The following TAFA1 variants were observed in gnomAD, a reference collection of about 807,000 sequenced individuals.
TAFA1 encodes the protein chemokine-like protein TAFA-1.
Under a neutral mutation model 18.5 loss-of-function variants are expected in TAFA1, and 4 were observed. That is an observed-to-expected ratio of 0.22 (90% confidence interval 0.11 to 0.49). The LOEUF is 0.49. Ranked by LOEUF, TAFA1 falls within the 20% of genes least tolerant of loss-of-function variation. The probability of loss-of-function intolerance (pLI) is 0.98; values close to 1 mark genes in which losing one functional copy is unlikely to be tolerated. For synonymous variants in TAFA1, 56 were observed against 55.2 expected (o/e 1.01, Z -0.06); for missense variants, 147 against 169.0 (o/e 0.87, Z 0.72).
rs376342579 is a variant in TAFA1, at chr3:68,451,296, A to G, written c.259+33876A>G. On this transcript the variant is annotated intron_variant, in intron 3 of 4. Coordinates refer to ENST00000478136, the MANE Select transcript of TAFA1 (RefSeq NM_213609.4). ...GTGTCTCATAATTTGTAAGTCCTCAATAAACGTCTGTTAAATGAATGCATC... is the reference window on the plus strand; with the variant it reads ...GTGTCTCATAATTTGTAAGTCCTCAGTAAACGTCTGTTAAATGAATGCATC... Among the ~76,000 whole-genome samples the G allele has an allele frequency of 3.6e-4, 55 of 152,350 alleles. 1 individual carries two copies. The South Asian group carries it at 4.6e-3, about 13-fold the overall frequency.
intron 2 of TAFA1, among the ~76,000 whole-genome samples, chr3:68,163,541 C>T (rs994569861): frequency 6.6e-6 from 1 of 152,188 alleles, no homozygotes; most frequent in South Asian, 2.1e-4. Flanking sequence ...AAACGACGGT[C>T]AGATATGTTT....
chr3:68,109,372 T>C (rs1368890609), intron 2 of TAFA1, among the ~76,000 whole-genome samples: 2 of 152,148 alleles, frequency 1.3e-5, no homozygotes, highest in African/African-American at 4.8e-5. Context: ...GTGTTATCTG[T>C]TCATATTGAC....
rs566993920 is a variant in TAFA1, at chr3:68,095,108, G to A, written c.118+88364G>A. Reference sequence around the variant, plus strand: ...ATTCTGGTTCTTTGTCTTCCAGCCAGAGAGATCTGATTGGCTGTTTTCCAA... The same window carrying A: ...ATTCTGGTTCTTTGTCTTCCAGCCAAAGAGATCTGATTGGCTGTTTTCCAA... On this transcript the variant is annotated intron_variant, in intron 2 of 4. Transcript: ENST00000478136. Among the ~76,000 whole-genome samples, 9 of 152,244 alleles carry A rather than the reference G, an allele frequency of 5.9e-5. 1 individual carries two copies. In the South Asian group the frequency reaches 1.9e-3, roughly 32 times the overall value.
At chr3:68,467,211 C>A (rs1457195592) in intron 3 of TAFA1, among the ~76,000 whole-genome samples, 1 of 152,092 alleles carries the variant, frequency 6.6e-6, no homozygotes, top group Non-Finnish European at 1.5e-5. Context: ...GCTTTACGAA[C>A]AATTTGTGCA....
At chr3:67,999,374 C>T (rs921030853), upstream of TAFA1, among the ~76,000 whole-genome samples, 2 of 151,548 alleles carry the variant, frequency 1.3e-5, no homozygotes, top group Non-Finnish European at 2.9e-5. Context: ...AAGTTGTATT[C>T]TAACATCATC....
At chr3:68,474,916 T>A (rs1375542576) in intron 3 of TAFA1, among the ~76,000 whole-genome samples, 1 of 151,890 alleles carries the variant, frequency 6.6e-6, no homozygotes, top group Non-Finnish European at 1.5e-5. Flanking sequence ...TTTTTCAGAG[T>A]GGTTGTGTTT....
chr3:68,169,531 C>T (rs1043508207), intron 2 of TAFA1, among the ~76,000 whole-genome samples: 11 of 152,204 alleles, frequency 7.2e-5, no homozygotes, highest in African/African-American at 2.7e-4. Context: ...GTAGATAGAA[C>T]TTTATGTCTA....
chr3:68,334,546 G>A (rs762653067), intron 2 of TAFA1, among the ~76,000 whole-genome samples: 6 of 152,020 alleles, frequency 3.9e-5, no homozygotes, highest in Non-Finnish European at 7.4e-5. Flanking sequence ...CAAATCATGT[G>A]GTGATGTTGT....
intron 3 of TAFA1, among the ~76,000 whole-genome samples, chr3:68,467,980 C>G (rs1314949662): frequency 6.6e-6 from 1 of 152,072 alleles, no homozygotes; most frequent in African/African-American, 2.4e-5. Context: ...TAATAGGCAG[C>G]CTCTGTCTTT....
chr3:68,524,684 T>TGTTTTTG (rs538870992), intron 3 of TAFA1, among the ~76,000 whole-genome samples: 2 of 151,988 alleles, frequency 1.3e-5, no homozygotes, highest in South Asian at 2.1e-4. Context: ...TTTTTGTTTT[T>TGTTTTTG]TTTTGAGACT....
At chr3:68,079,340 C>T (rs1215526073) in intron 2 of TAFA1, among the ~76,000 whole-genome samples, 3 of 152,074 alleles carry the variant, frequency 2.0e-5, no homozygotes, top group African/African-American at 7.3e-5. Context: ...TTAGTTAGTT[C>T]TTGCCTTCTG....
chr3:68,081,323 A>G (rs560530763), intron 2 of TAFA1, among the ~76,000 whole-genome samples: 78 of 152,248 alleles, frequency 5.1e-4, no homozygotes, highest in African/African-American at 1.8e-3. Flanking sequence ...CGTCAAAGTC[A>G]TTCTCCATCC....
chr3:68,197,628 G>A (rs894398758), intron 2 of TAFA1, among the ~76,000 whole-genome samples: 2 of 151,236 alleles, frequency 1.3e-5, no homozygotes, highest in South Asian at 2.1e-4. Context: ...AGTTGACAGG[G>A]ACTACTCAAA....
chr3:68,207,596 G>A (rs2066542788), intron 2 of TAFA1, among the ~76,000 whole-genome samples: 2 of 151,862 alleles, frequency 1.3e-5, no homozygotes, highest in South Asian at 2.1e-4. Context: ...CCTACCACAG[G>A]ATTCTGATGC....
At chr3:68,398,136 A>G (rs1311972589) in intron 2 of TAFA1, among the ~76,000 whole-genome samples, 1 of 152,230 alleles carries the variant, frequency 6.6e-6, no homozygotes, top group African/African-American at 2.4e-5. Flanking sequence ...AAAAAGAACA[A>G]AGCTGGAGGC....
chr3:68,148,414 T>G (rs183601632), intron 2 of TAFA1, among the ~76,000 whole-genome samples: 1 of 152,340 alleles, frequency 6.6e-6, no homozygotes, highest in African/African-American at 2.4e-5. Flanking sequence ...TTCAGATCAG[T>G]TTGGCTCAGA....
At chr3:68,388,806 T>C (rs2070164277) in intron 2 of TAFA1, among the ~76,000 whole-genome samples, 1 of 152,112 alleles carries the variant, frequency 6.6e-6, no homozygotes, top group Non-Finnish European at 1.5e-5. Context: ...GAAGGGACCT[T>C]TTGGATGGTG....
chr3:68,093,888 A>G (rs1404101694), intron 2 of TAFA1, among the ~76,000 whole-genome samples: 1 of 152,150 alleles, frequency 6.6e-6, no homozygotes, highest in Admixed American at 6.6e-5. Context: ...TACCCATGGC[A>G]TATAGAAAAA....
intron 3 of TAFA1, among the ~76,000 whole-genome samples, chr3:68,438,358 G>GA (rs1575866818): frequency 1.3e-5 from 2 of 152,044 alleles, no homozygotes; most frequent in East Asian, 1.9e-4. Flanking sequence ...CCTTGTCTCA[G>GA]AAAAAAAGAC....
Sources: allele counts gnomAD v4.1 joint callset (sites outside exome capture counted in the v4.1 genomes callset), GRCh38; gene constraint gnomAD v4.1.1; transcripts MANE v1.5; gene names NCBI Gene and HGNC (gene_info 2026-07-23, HGNC 2026-07-21).